Variants in HSPA14 observed in about 807,000 individuals in gnomAD.
HSPA14 encodes the protein heat shock 70 kDa protein 14.
A neutral mutation model predicts 65.5 loss-of-function variants in HSPA14; 37 were observed. That is an observed-to-expected ratio of 0.56 (90% confidence interval 0.43 to 0.74). The LOEUF is 0.74. Among genes scored for constraint, HSPA14 ranks in the 30% least tolerant of loss-of-function variants. The pLI is 0.00. For missense variants in HSPA14, 564 were observed against 607.6 expected, an observed-to-expected ratio of 0.93 and a Z score of 0.75; for synonymous variants, 203 against 214.2, an observed-to-expected ratio of 0.95 and a Z score of 0.46.
In HSPA14 at chr10:14,867,758, G is replaced by A. The variant is rs781346954; in HGVS notation, c.1229G>A (p.Ser410Asn). 9 of 1,613,870 alleles carry A rather than the reference G, an allele frequency of 5.6e-6. No homozygotes were observed. Among genetic ancestry groups the A allele is most frequent in the Non-Finnish European group, 7.6e-6 (9 of 1,179,954 alleles). Residue 410 changes from serine (S) to asparagine (N), a missense_variant, in exon 12 of 14, where the codon AGT becomes AAT. Coordinates refer to ENST00000378372, the MANE Select transcript of HSPA14 (RefSeq NM_016299.4). Reference sequence around the variant, plus strand: ...TAGGGTGTGGACGAATCAGGAGCCAGTAGATTCACAGTGCTGTTTCCATCA... The same window carrying A: ...TAGGGTGTGGACGAATCAGGAGCCAATAGATTCACAGTGCTGTTTCCATCA... ...LVKGVDESGA[S>N]RFTVLFPSGT...
At chr10:14,863,583 C>G (rs1832775691) in intron 10 of HSPA14, among the ~76,000 whole-genome samples, 1 of 152,190 alleles carries the variant, frequency 6.6e-6, no homozygotes, top group Admixed American at 6.5e-5. Context: ...CCTCTCCCCA[C>G]CTCCCTTCTT....
intron 10 of HSPA14, among the ~76,000 whole-genome samples, chr10:14,866,834 T>C (rs746349522): frequency 2.6e-5 from 4 of 152,320 alleles, no homozygotes; most frequent in East Asian, 1.9e-4. Context: ...CTACTGTATT[T>C]TGTAATAAAT....
chr10:14,867,194 A>G lies in HSPA14; in HGVS notation c.1105A>G (p.Ile369Val), dbSNP rs1832814431. 3 of 1,613,314 alleles carry G rather than the reference A, an allele frequency of 1.9e-6. No homozygotes were observed. Among genetic ancestry groups the G allele is most frequent in the Non-Finnish European group, 2.5e-6 (3 of 1,179,342 alleles). Residue 369 changes from isoleucine to valine, a missense_variant, in exon 11 of 14, where the codon ATT (isoleucine) becomes GTT (valine). Transcript: ENST00000378372. ...NSIPPDEVIPIGAAIEAGILI... is the reference protein window; with the variant it reads ...NSIPPDEVIPVGAAIEAGILI... ...TATCCCTCCTGATGAAGTGATCCCT[A>G]TTGGTGCAGCTATAGAAGCAGGAAT...
intron 10 of HSPA14, among the ~76,000 whole-genome samples, chr10:14,859,695 G>T (rs368395241): frequency 6.6e-6 from 1 of 152,164 alleles, no homozygotes; most frequent in Admixed American, 6.5e-5. Flanking sequence ...AACAGTCTTT[G>T]TAACTTGGTG....
chr10:14,851,032 CAG>C (rs1379574919), intron 6 of HSPA14, 185 bp from the exon 7 acceptor site: 10 of 476,500 alleles, frequency 2.1e-5, no homozygotes, highest in African/African-American at 1.4e-4. Context: ...CAATTTTAAA[CAG>C]AAAGTGATCT....
chr10:14,845,264 A>C (rs934426883), intron 3 of HSPA14: 1 of 985,162 alleles, frequency 1.0e-6, no homozygotes, highest in Non-Finnish European at 1.2e-6. Flanking sequence ...ACAAATAGGA[A>C]TCTTTAGGAT....
rs1410508279 is a variant in HSPA14, at chr10:14,849,856, CAA to C, written c.467+47_467+48del. On this transcript the variant is annotated intron_variant, in intron 6 of 13. Coordinates refer to ENST00000378372, the MANE Select transcript of HSPA14 (RefSeq NM_016299.4). ...CTTACTGGCTTAATTAAAGGAAGTA[CAA>C]AGTCACTATATAGTAAAAGGTAACA... The C allele has an allele frequency of 1.0e-5, 12 of 1,143,502 alleles. No individual in the cohort carries two copies. The Admixed American group carries it at 2.3e-4, about 22-fold the overall frequency. The allele number at this position is 1,143,502 out of a possible 1,614,324, so 70.8% of individuals were successfully genotyped here. A position where few individuals can be genotyped will look rare whatever the true frequency, so the allele number is the denominator to read the frequency against.
rs1834013355 is a variant in HSPA14 at position 14,844,173 on chromosome 10, A to T, written c.221+4016A>T. On this transcript the variant is annotated intron_variant, in intron 3 of 13. Coordinates refer to ENST00000378372, the MANE Select transcript of HSPA14 (RefSeq NM_016299.4). Reference sequence around the variant, plus strand: ...CTTTGTCACAGATGTGAAGCAGTTTACCTCCCTCCAGTGGTTTCCTCATCC... The same window carrying T: ...CTTTGTCACAGATGTGAAGCAGTTTTCCTCCCTCCAGTGGTTTCCTCATCC... 20 of 1,250,238 alleles carry T rather than the reference A, an allele frequency of 1.6e-5. No homozygotes were observed. In the South Asian group the frequency reaches 3.3e-4, roughly 20 times the overall value. The allele number at this position is 1,250,238 out of a possible 1,614,324, so 77.4% of individuals were successfully genotyped here.
intron 12 of HSPA14, 102 bp from the exon 13 acceptor site, chr10:14,870,495 T>TG: frequency 7.6e-7 from 1 of 1,320,226 alleles, no homozygotes; most frequent in African/African-American, 1.5e-5. Flanking sequence ...TAAAAAGGTT[T>TG]GTTTCAGTGA....
intron 6 of HSPA14, 192 bp from the exon 7 acceptor site, chr10:14,851,027 T>A (rs1834104860): frequency 6.3e-6 from 3 of 479,876 alleles, no homozygotes; most frequent in Non-Finnish European, 1.1e-5. Flanking sequence ...CATTACAATT[T>A]TAAACAGAAA....
At chr10:14,867,452 C>T (rs554584065) in intron 11 of HSPA14, among the ~76,000 whole-genome samples, 157 bp downstream of exon 11, 1 of 152,188 alleles carries the variant, frequency 6.6e-6, no homozygotes, top group East Asian at 1.9e-4. Flanking sequence ...TATAATCCTA[C>T]TTTTAAGGTA....
chr10:14,851,027 T>C, intron 6 of HSPA14, 192 bp from the exon 7 acceptor site: 3 of 479,994 alleles, frequency 6.3e-6, no homozygotes, highest in Non-Finnish European at 1.1e-5. Context: ...CATTACAATT[T>C]TAAACAGAAA....
At chr10:14,859,728 T>A (rs1181666224) in intron 10 of HSPA14, among the ~76,000 whole-genome samples, 3 of 152,238 alleles carry the variant, frequency 2.0e-5, no homozygotes, top group Non-Finnish European at 4.4e-5. Flanking sequence ...TTCCTTAGGA[T>A]AAAATTCAGG....
chr10:14,851,667 C>T (rs941149312), intron 7 of HSPA14, among the ~76,000 whole-genome samples: 6 of 152,158 alleles, frequency 3.9e-5, no homozygotes, highest in African/African-American at 1.2e-4. Flanking sequence ...ATAATAGGTA[C>T]TGTTATATAC....
chr10:14,842,787 G>A lies in HSPA14; in HGVS notation c.221+2630G>A. The A allele has an allele frequency of 6.5e-7, 1 of 1,536,430 alleles. No homozygotes were observed. ...GATGAGGATTGTCAGCTAAGAATCA[G>A]TGACCGGATACGAGAAACCAGTGAC... On this transcript the variant is annotated intron_variant, in intron 3 of 13. Coordinates refer to ENST00000378372, the MANE Select transcript of HSPA14 (RefSeq NM_016299.4). This position sits in a 1 kb window ranked among gnomAD's most constrained non-coding sequence, Gnocchi z 5.2.
intron 12 of HSPA14, among the ~76,000 whole-genome samples, chr10:14,869,302 A>AT (rs1016526919): frequency 4.7e-4 from 63 of 132,674 alleles, no homozygotes; most frequent in Admixed American, 6.1e-4. Context: ...ATTTATTTTA[A>AT]TTTTTTTTTT....
chr10:14,853,822 C>G (rs185353393), intron 8 of HSPA14, among the ~76,000 whole-genome samples: 1 of 152,102 alleles, frequency 6.6e-6, no homozygotes, highest in Non-Finnish European at 1.5e-5. Flanking sequence ...CAGGTTCAAG[C>G]GATTCTTCTG....
In HSPA14 at chr10:14,842,609, G is replaced by A; in HGVS notation, c.221+2452G>A. 6.5e-7 allele frequency: 1 copy of A among 1,536,156 alleles called. No individual in the cohort carries two copies. The highest frequency in any genetic ancestry group is 8.7e-7 in the Non-Finnish European group (1 of 1,146,918). On this transcript the variant is annotated intron_variant, in intron 3 of 13. Coordinates refer to ENST00000378372, the MANE Select transcript of HSPA14 (RefSeq NM_016299.4). This position sits in a 1 kb window ranked among gnomAD's most constrained non-coding sequence, Gnocchi z 5.2. ...CCGAAATCAGATAGTGACTGACCCAGACAACTTAATGGAGGATGCTGCTTG... is the reference window on the plus strand; with the variant it reads ...CCGAAATCAGATAGTGACTGACCCAAACAACTTAATGGAGGATGCTGCTTG...
intron 7 of HSPA14, among the ~76,000 whole-genome samples, 191 bp from the exon 8 acceptor site, chr10:14,852,179 T>C (rs1834113275): frequency 6.6e-6 from 1 of 152,206 alleles, no homozygotes; most frequent in Non-Finnish European, 1.5e-5. Flanking sequence ...AAAAAGAACT[T>C]TGATTTGGTT....
Sources: allele counts gnomAD v4.1 joint callset (sites outside exome capture counted in the v4.1 genomes callset), GRCh38; gene constraint gnomAD v4.1.1; non-coding constraint Gnocchi (gnomAD v3.1); transcripts MANE v1.5; gene names NCBI Gene and HGNC (gene_info 2026-07-23, HGNC 2026-07-21).